Variants in KCNIP4 observed in about 807,000 individuals in gnomAD.
KCNIP4 encodes the protein potassium voltage-gated channel interacting protein 4.
Under a neutral mutation model 34.0 loss-of-function variants are expected in KCNIP4, and 12 were observed. The ratio of observed to expected loss-of-function variants is 0.35; its 90% CI spans 0.23 to 0.57. The LOEUF is 0.57. Among genes scored for constraint, KCNIP4 ranks in the 20% least tolerant of loss-of-function variants. The pLI is 0.83. For synonymous variants in KCNIP4, 124 were observed against 102.2 expected (o/e 1.21, Z -1.29); for missense variants, 238 against 311.7 (o/e 0.76, Z 1.78).
intron 1 of KCNIP4, among the ~76,000 whole-genome samples, chr4:21,143,119 G>A (rs1752091778): frequency 6.6e-6 from 1 of 152,078 alleles, no homozygotes; most frequent in Admixed American, 6.5e-5. Flanking sequence ...ATTAATTCAG[G>A]TACTCCCTAG....
At chr4:21,646,870 T>G (rs1395899553) in intron 1 of KCNIP4, among the ~76,000 whole-genome samples, 1 of 152,208 alleles carries the variant, frequency 6.6e-6, no homozygotes, top group East Asian at 1.9e-4. Context: ...GAGTCATTAT[T>G]TAGAAGGCAC....
chr4:21,391,099 T>C lies in KCNIP4; in HGVS notation c.62-508390A>G, dbSNP rs188884363. The stretch of plus-strand genomic sequence containing the variant: ...GCATCTTTTCATGTGCTTATTGGCA[T>C]TTTTATATCTTCCTTGGATAAACCT... On this transcript the variant is annotated intron_variant, in intron 1 of 8. Coordinates refer to ENST00000382152, the MANE Select transcript of KCNIP4 (RefSeq NM_025221.6). 7.2e-5 allele frequency among the ~76,000 whole-genome samples: 11 copies of C among 152,252 alleles called. No individual in the cohort carries two copies. The East Asian group carries it at 2.1e-3, about 29-fold the overall frequency.
intron 1 of KCNIP4, among the ~76,000 whole-genome samples, chr4:21,520,709 G>T (rs1262503750): frequency 6.6e-6 from 1 of 151,934 alleles, no homozygotes; most frequent in Non-Finnish European, 1.5e-5. Flanking sequence ...CCTTTAACTT[G>T]GATAGTTTAT....
chr4:21,757,243 G>GAAAAGA (rs1287314404), intron 1 of KCNIP4, among the ~76,000 whole-genome samples: 25 of 26,486 alleles, frequency 9.4e-4, no homozygotes, highest in African/African-American at 5.6e-3. Flanking sequence ...AAGAAAGAAA[G>GAAAAGA]AAAGAAAAGA....
At chr4:21,501,082 T>C (rs1171765867) in intron 1 of KCNIP4, among the ~76,000 whole-genome samples, 2 of 152,174 alleles carry the variant, frequency 1.3e-5, no homozygotes, top group Non-Finnish European at 2.9e-5. Flanking sequence ...AATGTATTTT[T>C]GCATTATTTA....
At chr4:21,279,980 A>G (rs1175569972) in intron 1 of KCNIP4, among the ~76,000 whole-genome samples, 2 of 152,222 alleles carry the variant, frequency 1.3e-5, no homozygotes, top group African/African-American at 2.4e-5. Context: ...GAGACCTCCA[A>G]TATTACACTA....
At chr4:21,798,130 A>G (rs1465464849) in intron 1 of KCNIP4, among the ~76,000 whole-genome samples, 1 of 152,010 alleles carries the variant, frequency 6.6e-6, no homozygotes, top group Non-Finnish European at 1.5e-5. Context: ...AATACAAAAA[A>G]AAAATACGTA....
intron 1 of KCNIP4, among the ~76,000 whole-genome samples, chr4:21,519,833 GTA>G (rs1491513025): frequency 1.7e-4 from 25 of 144,622 alleles, no homozygotes; most frequent in Admixed American, 1.1e-3. Flanking sequence ...ACACGTGTGT[GTA>G]TGTGTGTGTA....
chr4:21,138,532 C>CTT lies in KCNIP4; in HGVS notation c.62-255825_62-255824dup, dbSNP rs11414656. On this transcript the variant is annotated intron_variant, in intron 1 of 8. Coordinates refer to ENST00000382152, the MANE Select transcript of KCNIP4 (RefSeq NM_025221.6). The stretch of plus-strand genomic sequence containing the variant: ...AAGGCACTTCTTTCTTTTTCTTCTT[C>CTT]TTTTTTTTGGTTGTTCTCTCACCAT... Among the ~76,000 whole-genome samples, 994 of 151,424 alleles carry CTT rather than the reference C, an allele frequency of 6.6e-3. 12 individuals carry two copies. The highest frequency in any genetic ancestry group is 0.023 in the African/African-American group (948 of 41,264).
At chr4:21,565,736 T>C (rs1739830968) in intron 1 of KCNIP4, among the ~76,000 whole-genome samples, 1 of 152,100 alleles carries the variant, frequency 6.6e-6, no homozygotes, top group Non-Finnish European at 1.5e-5. Flanking sequence ...GGAGAAAGTA[T>C]ATAAAAAGTT....
intron 1 of KCNIP4, among the ~76,000 whole-genome samples, chr4:21,167,237 G>A (rs1488904842): frequency 6.6e-6 from 1 of 152,114 alleles, no homozygotes; most frequent in Non-Finnish European, 1.5e-5. Flanking sequence ...ACAAGAGAAA[G>A]TTCCAGGGAT....
At chr4:21,408,055 G>A (rs906462898) in intron 1 of KCNIP4, among the ~76,000 whole-genome samples, 1 of 152,110 alleles carries the variant, frequency 6.6e-6, no homozygotes, top group African/African-American at 2.4e-5. Flanking sequence ...AACACACAAA[G>A]GCTCTATAGA....
At chr4:21,388,803 A>G (rs996278705) in intron 1 of KCNIP4, among the ~76,000 whole-genome samples, 16 of 152,182 alleles carry the variant, frequency 1.1e-4, no homozygotes, top group African/African-American at 3.9e-4. Flanking sequence ...TTAGCATAAT[A>G]TGATGACCCA....
chr4:21,652,287 T>G (rs992920049), intron 1 of KCNIP4, among the ~76,000 whole-genome samples: 4 of 152,202 alleles, frequency 2.6e-5, no homozygotes, highest in African/African-American at 7.2e-5. Flanking sequence ...CATTTATACT[T>G]CTAGCAGAAC....
At chr4:21,828,018 A>T (rs1310150944) in intron 1 of KCNIP4, among the ~76,000 whole-genome samples, 1 of 39,770 alleles carries the variant, frequency 2.5e-5, no homozygotes, top group Non-Finnish European at 4.2e-5. Context: ...AGAGTCATGT[A>T]AAAAAAAAAA....
chr4:21,295,096 T>C (rs1763761556), intron 1 of KCNIP4, among the ~76,000 whole-genome samples: 1 of 152,168 alleles, frequency 6.6e-6, no homozygotes, highest in South Asian at 2.1e-4. Context: ...AAGTGTGGTA[T>C]ATATCCCAGC....
chr4:21,365,352 G>A (rs1719639507), intron 1 of KCNIP4, among the ~76,000 whole-genome samples: 1 of 151,880 alleles, frequency 6.6e-6, no homozygotes, highest in Non-Finnish European at 1.5e-5. Context: ...GGGCATGGTG[G>A]TGTGCACCTG....
chr4:20,889,766 T>TAAAAAAA, intron 1 of KCNIP4, among the ~76,000 whole-genome samples: 1 of 119,386 alleles, frequency 8.4e-6, no homozygotes, highest in Non-Finnish European at 1.7e-5. Context: ...AACTGGAAGT[T>TAAAAAAA]CAAAAAAAAA....
intron 3 of KCNIP4, among the ~76,000 whole-genome samples, chr4:20,836,597 T>G (rs1422955486): frequency 1.3e-5 from 2 of 152,194 alleles, no homozygotes; most frequent in East Asian, 3.9e-4. Flanking sequence ...CAAGGCAGAA[T>G]TTCTGCTTCT....
Sources: gnomAD v4.1 joint callset for allele counts (sites outside exome capture counted in the v4.1 genomes callset) on GRCh38, gnomAD v4.1.1 for gene constraint, MANE v1.5 for transcripts, NCBI Gene and HGNC (gene_info 2026-07-23, HGNC 2026-07-21) for gene names.